MYO5B: variants seen among roughly 807,000 people sequenced by gnomAD.
MYO5B encodes myosin VB.
Under a neutral mutation model 229.3 loss-of-function variants are expected in MYO5B, and 143 were observed. That is an observed-to-expected ratio of 0.62 (90% CI 0.54 to 0.72). MYO5B has a LOEUF of 0.72. Ranked by LOEUF, MYO5B falls within the 30% of genes least tolerant of loss-of-function variation. The pLI is 0.00. For synonymous variants in MYO5B, 918 were observed against 885.2 expected, an observed-to-expected ratio of 1.04 and a Z score of -0.66; for missense variants, 2,321 against 2,331.0, an observed-to-expected ratio of 1.00 and a Z score of 0.09.
chr18:50,000,269 C>T (rs1394455622), intron 5 of MYO5B, among the ~76,000 whole-genome samples: 2 of 152,144 alleles, frequency 1.3e-5, no homozygotes, highest in African/African-American at 2.4e-5. Flanking sequence ...CTCAGGGCTC[C>T]GCATGGAAAC....
intron 1 of MYO5B, among the ~76,000 whole-genome samples, chr18:50,190,946 T>C (rs1364699180): frequency 2.0e-5 from 3 of 152,204 alleles, no homozygotes; most frequent in African/African-American, 4.8e-5. Context: ...GATGTGTGTG[T>C]CTGGCTCCAG....
intron 26 of MYO5B, among the ~76,000 whole-genome samples, chr18:49,874,506 G>A (rs887195621): frequency 6.6e-6 from 1 of 152,328 alleles, no homozygotes; most frequent in East Asian, 1.9e-4. Context: ...GTCCACCTGA[G>A]AGATTTAAAC....
At chr18:50,147,104 C>T (rs2032515672) in intron 1 of MYO5B, among the ~76,000 whole-genome samples, 1 of 152,156 alleles carries the variant, frequency 6.6e-6, no homozygotes, top group Admixed American at 6.5e-5. Flanking sequence ...TTATTTCCAG[C>T]CTGGACTGCC....
At chr18:50,032,328 C>CA (rs887377149) in intron 4 of MYO5B, among the ~76,000 whole-genome samples, 12 of 152,146 alleles carry the variant, frequency 7.9e-5, no homozygotes, top group African/African-American at 2.9e-4. Flanking sequence ...CCGCCACAAC[C>CA]ACCCCCCAAA....
chr18:49,837,002 G>C (rs1049217336), intron 37 of MYO5B, 117 bp from the exon 38 acceptor site: 7 of 1,015,036 alleles, frequency 6.9e-6, no homozygotes, highest in African/African-American at 1.6e-5. Flanking sequence ...TATCTCACAC[G>C]GTTAAAAAGC....
At chr18:50,082,488 A>G (rs1434593142) in intron 1 of MYO5B, among the ~76,000 whole-genome samples, 1 of 152,254 alleles carries the variant, frequency 6.6e-6, no homozygotes, top group Non-Finnish European at 1.5e-5. Flanking sequence ...TTTAAAACCA[A>G]TTCAGGTCTA....
rs572174520 is a variant in MYO5B at position 49,898,648 on chromosome 18, A to G, written c.2812-3474T>C. ...CAGATTATGAAAGCCCACAGGAAAA[A>G]CAAGTCAGCACCACGGACAGCTCCA... On this transcript the variant is annotated intron_variant, in intron 21 of 39. Coordinates refer to ENST00000285039, the MANE Select transcript of MYO5B (RefSeq NM_001080467.3). 2.3e-4 allele frequency among the ~76,000 whole-genome samples: 35 copies of G among 152,300 alleles called. No individual in the cohort carries two copies. The South Asian group carries it at 6.8e-3, about 30-fold the overall frequency.
intron 8 of MYO5B, among the ~76,000 whole-genome samples, chr18:49,982,544 C>T (rs368406028): frequency 4.6e-5 from 7 of 152,158 alleles, no homozygotes; most frequent in South Asian, 2.1e-4. Context: ...TGGTACCTCA[C>T]GCTATGGGAA....
intron 33 of MYO5B, among the ~76,000 whole-genome samples, chr18:49,844,207 C>T (rs2024097953): frequency 6.6e-6 from 1 of 152,200 alleles, no homozygotes. Flanking sequence ...GCTGTCAGAC[C>T]ATTTTCTATT....
intron 5 of MYO5B, among the ~76,000 whole-genome samples, chr18:49,994,429 G>A (rs1453601621): frequency 6.6e-6 from 1 of 152,206 alleles, no homozygotes; most frequent in African/African-American, 2.4e-5. Context: ...ACCAGTTGGA[G>A]TCACAATATA....
chr18:49,900,642 T>C (rs540333322), intron 21 of MYO5B, among the ~76,000 whole-genome samples: 1 of 152,306 alleles, frequency 6.6e-6, no homozygotes, highest in South Asian at 2.1e-4. Flanking sequence ...ATGCCCAGTA[T>C]AGAATAGATA....
intron 16 of MYO5B, among the ~76,000 whole-genome samples, chr18:49,932,704 G>A (rs1016656736): frequency 6.6e-6 from 1 of 152,126 alleles, no homozygotes; most frequent in Admixed American, 6.5e-5. Flanking sequence ...CAAGAAGAAT[G>A]CTTTTAGAAA....
At chr18:50,075,031 C>T (rs1362604602) in intron 1 of MYO5B, among the ~76,000 whole-genome samples, 1 of 152,148 alleles carries the variant, frequency 6.6e-6, no homozygotes, top group Non-Finnish European at 1.5e-5. Flanking sequence ...CTCCTGACCT[C>T]ATGATCTGCC....
intron 4 of MYO5B, among the ~76,000 whole-genome samples, chr18:50,023,972 A>G (rs1431920669): frequency 1.3e-5 from 2 of 152,228 alleles, no homozygotes; most frequent in Non-Finnish European, 2.9e-5. Context: ...CATACTCCAT[A>G]AAATAAAATA....
intron 4 of MYO5B, among the ~76,000 whole-genome samples, chr18:50,027,755 G>A (rs1568076603): frequency 6.6e-6 from 1 of 152,120 alleles, no homozygotes; most frequent in Non-Finnish European, 1.5e-5. Flanking sequence ...AGATAAGAAC[G>A]ACACAACAGA....
At chr18:49,959,736 G>C (rs1486314160) in intron 12 of MYO5B, among the ~76,000 whole-genome samples, 2 of 152,182 alleles carry the variant, frequency 1.3e-5, no homozygotes, top group African/African-American at 4.8e-5. Context: ...TCCTCTGAGA[G>C]AAAGTGGACT....
At chr18:50,174,434 G>C (rs994336559) in intron 1 of MYO5B, among the ~76,000 whole-genome samples, 4 of 152,182 alleles carry the variant, frequency 2.6e-5, no homozygotes, top group African/African-American at 9.7e-5. Context: ...ATCAGGGATG[G>C]AAGCCCTGCA....
At position 50,155,658 on chromosome 18, in the gene MYO5B, G is replaced by C. The variant is rs149177975; in HGVS notation, c.27+39109C>G. On this transcript the variant is annotated intron_variant, in intron 1 of 39. Coordinates refer to ENST00000285039, the MANE Select transcript of MYO5B (RefSeq NM_001080467.3). ...TTGTTTCATGCTATTTCCTCTACCA[G>C]AGTAGATGCAAAAAGGAAGAGGAAA... is the stretch of plus-strand genomic sequence containing the variant. Among the ~76,000 whole-genome samples the C allele has an allele frequency of 2.6e-3, 397 of 152,288 alleles. 2 individuals carry two copies. The highest frequency in any genetic ancestry group is 8.9e-3 in the African/African-American group (369 of 41,546).
At chr18:49,979,997 C>A (rs144718746) in intron 9 of MYO5B, among the ~76,000 whole-genome samples, 1 of 152,322 alleles carries the variant, frequency 6.6e-6, no homozygotes, top group African/African-American at 2.4e-5. Context: ...TAACAGCCTG[C>A]CTTGTGCTGT....
Sources: allele counts gnomAD v4.1 joint callset (sites outside exome capture counted in the v4.1 genomes callset), GRCh38; gene constraint gnomAD v4.1.1; transcripts MANE v1.5; gene names NCBI Gene and HGNC (gene_info 2026-07-23, HGNC 2026-07-21).